The following SH2D4A variants were observed in gnomAD, a reference collection of about 807,000 sequenced individuals.
The protein encoded by SH2D4A is SH2 domain containing 4A.
A neutral mutation model predicts 64.7 loss-of-function variants in SH2D4A; 70 were observed. The ratio of observed to expected loss-of-function variants is 1.08; its 90% CI spans 0.89 to 1.32. The LOEUF is 1.32. Ranked by LOEUF, SH2D4A falls within the 40% of genes most tolerant of loss-of-function variation. The probability of loss-of-function intolerance (pLI) is 0.00; values close to 1 mark genes in which losing one functional copy is unlikely to be tolerated. For missense variants in SH2D4A, 706 were observed against 540.1 expected, an observed-to-expected ratio of 1.31 and a Z score of -3.04; for synonymous variants, 268 against 200.7, an observed-to-expected ratio of 1.34 and a Z score of -2.83.
At chr8:19,393,885 CAG>C (rs1280805121) in intron 9 of SH2D4A, among the ~76,000 whole-genome samples, 1 of 152,214 alleles carries the variant, frequency 6.6e-6, no homozygotes, top group Non-Finnish European at 1.5e-5. Context: ...TCCATGGACT[CAG>C]TGTTGGGGGA....
intron 2 of SH2D4A, among the ~76,000 whole-genome samples, chr8:19,328,291 C>T (rs1289376401): frequency 1.3e-5 from 2 of 152,004 alleles, no homozygotes; most frequent in Non-Finnish European, 2.9e-5. Flanking sequence ...TTCCAGATGT[C>T]GATTGAAAGT....
intron 8 of SH2D4A, among the ~76,000 whole-genome samples, chr8:19,388,706 C>T (rs1436393441): frequency 6.6e-6 from 1 of 152,130 alleles, no homozygotes; most frequent in Non-Finnish European, 1.5e-5. Flanking sequence ...ATCTCTTGTC[C>T]CTATGATCAC....
At chr8:19,321,244 C>T (rs1356482552) in intron 2 of SH2D4A, among the ~76,000 whole-genome samples, 6 of 151,956 alleles carry the variant, frequency 3.9e-5, no homozygotes, top group Non-Finnish European at 2.9e-5. Context: ...GATGGAGTCT[C>T]ACTCTGTCGC....
intron 7 of SH2D4A, among the ~76,000 whole-genome samples, chr8:19,366,404 C>A (rs11783579): frequency 0.023 from 3,502 of 152,246 alleles, 75 homozygotes; most frequent in Non-Finnish European, 0.034. Flanking sequence ...GAACTTATTT[C>A]TGCTGTCTCA....
intron 4 of SH2D4A, among the ~76,000 whole-genome samples, chr8:19,354,981 G>A (rs1375922415): frequency 6.6e-6 from 1 of 152,164 alleles, no homozygotes; most frequent in Non-Finnish European, 1.5e-5. Context: ...TTCTGCAACA[G>A]CTGCTCTGCG....
intron 4 of SH2D4A, among the ~76,000 whole-genome samples, chr8:19,342,996 T>C (rs1005444678): frequency 2.6e-5 from 4 of 152,188 alleles, no homozygotes; most frequent in African/African-American, 4.8e-5. Flanking sequence ...TCCGTCTCTG[T>C]GTGCCTTAGA....
Position 19,395,686 on chromosome 8 carries a change from ACCAGCAGAAG to A in SH2D4A, c.*1053_*1062del, listed in dbSNP as rs1405086888. ...GAAGGGACACCAAGGATCTCCGGCC[ACCAGCAGAAG>A]CCAGCAGAGAGGCATGGGACAGGTT... On this transcript the variant is annotated 3_prime_UTR_variant, in exon 10 of 10. Transcript: ENST00000265807. 3.9e-5 allele frequency: 6 copies of A among 152,258 alleles called. No homozygotes were observed. The highest frequency in any genetic ancestry group is 1.4e-4 in the African/African-American group (6 of 41,458). 9.4% of individuals were successfully genotyped at this position (152,258 alleles called of 1,614,324 possible). A position where few individuals can be genotyped will look rare whatever the true frequency, so the allele number is the denominator to read the frequency against.
chr8:19,355,112 A>G (rs1399388065), intron 4 of SH2D4A, among the ~76,000 whole-genome samples: 1 of 152,204 alleles, frequency 6.6e-6, no homozygotes, highest in Non-Finnish European at 1.5e-5. Flanking sequence ...TTGCCAAGTA[A>G]TAAACATAGC....
At chr8:19,352,776 G>A (rs1038615525) in intron 4 of SH2D4A, among the ~76,000 whole-genome samples, 2 of 152,154 alleles carry the variant, frequency 1.3e-5, no homozygotes, top group African/African-American at 2.4e-5. Context: ...GGAGGCTGAG[G>A]TGGGAGCGTC....
At chr8:19,378,608 G>A (rs1378336952) in intron 8 of SH2D4A, among the ~76,000 whole-genome samples, 2 of 152,088 alleles carry the variant, frequency 1.3e-5, no homozygotes, top group East Asian at 1.9e-4. Flanking sequence ...GCTAACTTGT[G>A]TATTTTTAGT....
At chr8:19,357,385 C>A in intron 5 of SH2D4A, 102 bp downstream of exon 5, 1 of 879,926 alleles carries the variant, frequency 1.1e-6, no homozygotes, top group Non-Finnish European at 1.8e-6. Flanking sequence ...TGAAATTAAG[C>A]AGCAGGATGG....
intron 5 of SH2D4A, among the ~76,000 whole-genome samples, chr8:19,359,626 A>G (rs2052847380): frequency 6.6e-6 from 1 of 152,242 alleles, no homozygotes; most frequent in Non-Finnish European, 1.5e-5. Context: ...CAAACATCAA[A>G]GCTGTCCTTT....
chr8:19,318,715 C>A (rs1328641814), intron 1 of SH2D4A, among the ~76,000 whole-genome samples: 2 of 152,166 alleles, frequency 1.3e-5, no homozygotes, highest in Non-Finnish European at 2.9e-5. Flanking sequence ...TTGCACCTGC[C>A]CTGATTTTCA....
At chr8:19,359,830 T>C (rs1288547572) in intron 5 of SH2D4A, among the ~76,000 whole-genome samples, 2 of 151,040 alleles carry the variant, frequency 1.3e-5, no homozygotes, top group African/African-American at 5.0e-5. Flanking sequence ...ACAATATTAA[T>C]GTTTATACTT....
intron 7 of SH2D4A, among the ~76,000 whole-genome samples, chr8:19,368,813 A>C (rs970895944): frequency 6.6e-6 from 1 of 152,026 alleles, no homozygotes; most frequent in Non-Finnish European, 1.5e-5. Flanking sequence ...TCCAATTTGG[A>C]TGTGCTTCAT....
chr8:19,341,549 G>C (rs2052529236), intron 4 of SH2D4A, among the ~76,000 whole-genome samples: 1 of 152,026 alleles, frequency 6.6e-6, no homozygotes, highest in African/African-American at 2.4e-5. Flanking sequence ...CCAATGAAAG[G>C]TCATCACTAG....
rs1400759515 is a variant in SH2D4A at position 19,364,109 on chromosome 8, C to G, written c.744C>G (p.Ser248=). 6.2e-7 allele frequency: 1 copy of G among 1,613,896 alleles called. No individual in the cohort carries two copies. Among genetic ancestry groups the G allele is most frequent in the African/African-American group, 1.3e-5 (1 of 74,912 alleles). Residue 248 remains serine, a synonymous_variant, in exon 7 of 10, where the codon TCC becomes TCG. Transcript: ENST00000265807. ...AAGCAGCTGATGAGAAGAGACGCTC[C>G]TTGGCTAAACAAGCACGAGAAGACT... ...KSKAADEKRR[S]LAKQAREDYK...
chr8:19,363,694 C>A, intron 6 of SH2D4A: 1 of 297,844 alleles, frequency 3.4e-6, no homozygotes, highest in South Asian at 3.5e-5. Context: ...TCATGCAGGG[C>A]GTGACAATTG....
intron 8 of SH2D4A, among the ~76,000 whole-genome samples, chr8:19,390,705 C>A (rs1040051797): frequency 6.6e-6 from 1 of 152,148 alleles, no homozygotes; most frequent in Non-Finnish European, 1.5e-5. Context: ...GCCCTCTGTC[C>A]CATGGTGTAC....
Sources: gnomAD v4.1 joint callset for allele counts (sites outside exome capture counted in the v4.1 genomes callset) on GRCh38, gnomAD v4.1.1 for gene constraint, MANE v1.5 for transcripts, NCBI Gene and HGNC (gene_info 2026-07-23, HGNC 2026-07-21) for gene names.